FBLN7: variants seen among roughly 807,000 people sequenced by gnomAD.
FBLN7 encodes the protein fibulin-7.
FBLN7 carries 31 observed loss-of-function variants against 44.0 expected under a neutral mutation model. The observed-to-expected ratio is 0.70, with a 90% CI of 0.53 to 0.95. FBLN7 has a LOEUF of 0.95. Ranked by LOEUF, FBLN7 falls within the 40% of genes least tolerant of loss-of-function variation. The pLI, the probability that FBLN7 is intolerant of heterozygous loss-of-function variation, is 0.00. For missense variants in FBLN7, 573 were observed against 618.5 expected, an observed-to-expected ratio of 0.93 and a Z score of 0.78; for synonymous variants, 262 against 253.4, an observed-to-expected ratio of 1.03 and a Z score of -0.32.
At position 112,138,582 on chromosome 2, in the gene FBLN7, G is replaced by A; in HGVS notation, c.-74G>A. The A allele has an allele frequency of 2.6e-6, 4 of 1,548,088 alleles. No individual in the cohort carries two copies. Among genetic ancestry groups the A allele is most frequent in the Admixed American group, 1.7e-5 (1 of 57,910 alleles). Reference sequence around the variant, plus strand: ...CCCGCACCCTGCAGGGACGGCTGCCGCATCGCTGGGACAAACTCGGCAGCG... The same window carrying A: ...CCCGCACCCTGCAGGGACGGCTGCCACATCGCTGGGACAAACTCGGCAGCG... On this transcript the variant is annotated 5_prime_UTR_variant, in exon 1 of 8. Transcript: ENST00000331203.
At chr2:112,197,268 CACACACAGAG>C in the FBLN7 span, among the ~76,000 whole-genome samples, 2 of 128,808 alleles carry the variant, frequency 1.6e-5, no homozygotes, top group Admixed American at 7.8e-5. Flanking sequence ...CACACACACA[CACACACAGAG>C]AGAGAGAGAG....
At chr2:112,189,576 C>A (rs534624216), downstream of FBLN7, 10 of 152,316 alleles carry the variant, frequency 6.6e-5, no homozygotes, top group Admixed American at 6.5e-4. Context: ...TACTGGTTAA[C>A]CAGAATTCAT....
At chr2:112,221,800 T>C in the FBLN7 span, among the ~76,000 whole-genome samples, 10 of 152,288 alleles carry the variant, frequency 6.6e-5, no homozygotes, top group East Asian at 9.7e-4. Flanking sequence ...TTGGATTGGG[T>C]TGACTATCTC....
At position 112,187,628 on chromosome 2, in the gene FBLN7, G is replaced by A. The variant is rs1216509814; in HGVS notation, c.*122G>A. 3 of 1,368,784 alleles carry A rather than the reference G, an allele frequency of 2.2e-6. No homozygotes were observed. The East Asian group carries it at 6.9e-5, about 32-fold the overall frequency. The allele number at this position is 1,368,784 out of a possible 1,614,324, so 84.8% of individuals were successfully genotyped here. ...TCCCGCCCTCTCACCAGTGCACCCAGGCTTCTAGGGCAGCGTTGCACGGCG... is the reference window on the plus strand; with the variant it reads ...TCCCGCCCTCTCACCAGTGCACCCAAGCTTCTAGGGCAGCGTTGCACGGCG... On this transcript the variant is annotated 3_prime_UTR_variant, in exon 8 of 8. Coordinates refer to ENST00000331203, the MANE Select transcript of FBLN7 (RefSeq NM_153214.3). This position sits in a 1 kb window ranked among gnomAD's most constrained non-coding sequence, Gnocchi z 5.1.
the FBLN7 span, among the ~76,000 whole-genome samples, chr2:112,239,541 A>G: frequency 6.8e-6 from 1 of 147,826 alleles, no homozygotes; most frequent in Non-Finnish European, 1.5e-5. Flanking sequence ...AAGAATCGCT[A>G]TTATAAAATA....
the FBLN7 span, among the ~76,000 whole-genome samples, chr2:112,225,938 C>A: frequency 3.3e-5 from 5 of 151,888 alleles, no homozygotes; most frequent in East Asian, 9.7e-4. Context: ...AAAAATTAGC[C>A]GGGTGTGGTG....
At chr2:112,192,704 G>C (rs1363885011), downstream of FBLN7, among the ~76,000 whole-genome samples, 3 of 152,212 alleles carry the variant, frequency 2.0e-5, no homozygotes, top group African/African-American at 4.8e-5. Flanking sequence ...CCTCGAATGG[G>C]TTGCTCACTT....
chr2:112,243,900 T>G, the FBLN7 span, among the ~76,000 whole-genome samples: 1 of 151,668 alleles, frequency 6.6e-6, no homozygotes, highest in African/African-American at 2.4e-5. Flanking sequence ...ACAAAGATAT[T>G]AAAAAATATA....
At chr2:112,209,519 T>C in the FBLN7 span, among the ~76,000 whole-genome samples, 1 of 152,126 alleles carries the variant, frequency 6.6e-6, no homozygotes, top group African/African-American at 2.4e-5. Context: ...GAAGAAATAA[T>C]TTAATGGGCC....
chr2:112,214,969 C>T, the FBLN7 span: 2 of 152,128 alleles, frequency 1.3e-5, no homozygotes, highest in Non-Finnish European at 2.9e-5. Context: ...CTGAGTCCCT[C>T]AAATCTCTGC....
At chr2:112,199,728 A>C in the FBLN7 span, among the ~76,000 whole-genome samples, 1 of 152,164 alleles carries the variant, frequency 6.6e-6, no homozygotes, top group Non-Finnish European at 1.5e-5. Flanking sequence ...CTCATGAATG[A>C]ATTAGTGTTA....
chr2:112,157,745 C>T (rs1312986245), intron 1 of FBLN7, among the ~76,000 whole-genome samples: 1 of 152,164 alleles, frequency 6.6e-6, no homozygotes, highest in Admixed American at 6.5e-5. Flanking sequence ...TGCCTACAGG[C>T]GAGCACCACC....
the FBLN7 span, chr2:112,233,304 A>C: frequency 6.2e-7 from 1 of 1,601,972 alleles, no homozygotes. Flanking sequence ...ATATCCTTGT[A>C]CATAAAACTT....
At chr2:112,227,607 A>G in the FBLN7 span, among the ~76,000 whole-genome samples, 1 of 152,254 alleles carries the variant, frequency 6.6e-6, no homozygotes, top group Non-Finnish European at 1.5e-5. Flanking sequence ...AAAACCTACT[A>G]GAGCTAATAA....
At chr2:112,175,014 A>G (rs955772410) in intron 3 of FBLN7, among the ~76,000 whole-genome samples, 4 of 126,124 alleles carry the variant, frequency 3.2e-5, no homozygotes, top group Non-Finnish European at 3.8e-5. Context: ...TACCACTCAG[A>G]GAAAAAAAGT....
At chr2:112,182,703 C>T in intron 5 of FBLN7, 88 bp from the exon 6 acceptor site, 2 of 1,476,558 alleles carry the variant, frequency 1.4e-6, no homozygotes, top group South Asian at 2.8e-5. Context: ...CCACTGCCTC[C>T]AGGAATTGAA....
In FBLN7 at chr2:112,165,105, G is replaced by T; in HGVS notation, c.340G>T (p.Val114Phe). The change falls in exon 3 of 8, where the codon GTC becomes TTC. Residue 114 changes from valine (V) to phenylalanine (F), a missense_variant. Coordinates refer to ENST00000331203, the MANE Select transcript of FBLN7 (RefSeq NM_153214.3). ...HFTCNPGFRL[V>F]GPSSVVCLPN... ...TACCTGCAACCCTGGGTTCCGGCTG[G>T]TCGGGCCCAGCAGCGTGGTGTGTCT... 3.7e-6 allele frequency: 6 copies of T among 1,614,228 alleles called. No individual in the cohort carries two copies. Among genetic ancestry groups the T allele is most frequent in the Non-Finnish European group, 5.1e-6 (6 of 1,180,052 alleles).
chr2:112,198,416 T>C, the FBLN7 span, among the ~76,000 whole-genome samples: 19 of 152,108 alleles, frequency 1.2e-4, no homozygotes, highest in East Asian at 3.7e-3. Context: ...GTGGGCAGAT[T>C]GCTTGAGGTC....
At chr2:112,147,129 A>G (rs1387836633) in intron 1 of FBLN7, among the ~76,000 whole-genome samples, 2 of 152,020 alleles carry the variant, frequency 1.3e-5, no homozygotes, top group Admixed American at 6.6e-5. Context: ...AATTGGTGCC[A>G]GTTCCTGAAA....
Sources: allele counts gnomAD v4.1 joint callset (sites outside exome capture counted in the v4.1 genomes callset), GRCh38; gene constraint gnomAD v4.1.1; non-coding constraint Gnocchi (gnomAD v3.1); transcripts MANE v1.5; gene names NCBI Gene and HGNC (gene_info 2026-07-23, HGNC 2026-07-21).